TC2N: variants seen among roughly 807,000 people sequenced by gnomAD.
The protein encoded by TC2N is tandem C2 domains nuclear protein.
A neutral mutation model predicts 61.9 loss-of-function variants in TC2N; 51 were observed. The ratio of observed to expected loss-of-function variants is 0.82; its 90% CI spans 0.66 to 1.04. The LOEUF is 1.04. TC2N is among the 50% of genes least tolerant of loss of function. TC2N has a pLI of 0.00. For missense variants in TC2N, 556 were observed against 566.7 expected (o/e 0.98, Z 0.19); for synonymous variants, 204 against 192.6 (o/e 1.06, Z -0.49).
intron 10 of TC2N, among the ~76,000 whole-genome samples, chr14:91,785,885 T>C (rs1022341932): frequency 6.6e-6 from 1 of 152,044 alleles, no homozygotes; most frequent in African/African-American, 2.4e-5. Flanking sequence ...AAAAAAATTT[T>C]AAAACACTAA....
Position 91,799,038 on chromosome 14 carries a change from G to C in TC2N, c.588C>G (p.Pro196=). ...AATTTTTCCTTGAAGAAGAACTACT[G>C]GGTACACTGGACAATGAATCATGTC... ...IQRHDSLSSV[P]SSSSSRKNSQ... Residue 196 remains proline, a synonymous_variant, in exon 6 of 12, where the codon CCC becomes CCG. Transcript: ENST00000435962. 2 of 1,587,790 alleles carry C rather than the reference G, an allele frequency of 1.3e-6. No homozygotes were observed. The highest frequency in any genetic ancestry group is 1.7e-6 in the Non-Finnish European group (2 of 1,170,866).
At chr14:91,813,370 G>A (rs1595247552) in intron 2 of TC2N, among the ~76,000 whole-genome samples, 1 of 151,662 alleles carries the variant, frequency 6.6e-6, no homozygotes, top group South Asian at 2.1e-4. Flanking sequence ...TTCCCTCCCT[G>A]TCTTTGCCTG....
chr14:91,828,966 T>C (rs914761780), intron 1 of TC2N, among the ~76,000 whole-genome samples: 2 of 152,042 alleles, frequency 1.3e-5, no homozygotes, highest in African/African-American at 4.8e-5. Flanking sequence ...AGCTATTTTC[T>C]TTAAGACAAA....
intron 1 of TC2N, among the ~76,000 whole-genome samples, chr14:91,852,683 A>G (rs1888398717): frequency 6.6e-6 from 1 of 152,178 alleles, no homozygotes; most frequent in South Asian, 2.1e-4. Flanking sequence ...CATGTCAAGA[A>G]ATTTGCATGA....
At chr14:91,861,085 G>A (rs1288781351) in intron 1 of TC2N, among the ~76,000 whole-genome samples, 1 of 152,072 alleles carries the variant, frequency 6.6e-6, no homozygotes, top group Non-Finnish European at 1.5e-5. Flanking sequence ...AGGAGTGCTG[G>A]AAAGATGTTT....
chr14:91,813,520 T>G (rs189684913), intron 2 of TC2N, among the ~76,000 whole-genome samples, 183 bp downstream of exon 2: 22 of 151,762 alleles, frequency 1.4e-4, no homozygotes, highest in African/African-American at 5.3e-4. Context: ...ATCCCCTGGG[T>G]TGAATTACTC....
At chr14:91,834,742 T>C (rs558350311) in intron 1 of TC2N, among the ~76,000 whole-genome samples, 1 of 152,336 alleles carries the variant, frequency 6.6e-6, no homozygotes, top group South Asian at 2.1e-4. Context: ...TCTCCTCTCC[T>C]GGCTTCTATG....
rs143829621 is a variant in TC2N at position 91,802,296 on chromosome 14, G to A, written c.427C>T (p.Arg143Cys). ...YQHISPDLSRRFPPRSEVKRL... is the reference protein window; with the variant it reads ...YQHISPDLSRCFPPRSEVKRL... ...TTCACTTCTGAACGGGGAGGAAAGCGTCGACTCAAATCAGGTGAAATGTGC... is the reference window on the plus strand; with the variant it reads ...TTCACTTCTGAACGGGGAGGAAAGCATCGACTCAAATCAGGTGAAATGTGC... Residue 143 changes from arginine (R) to cysteine (C), a missense_variant, in exon 4 of 12, where the codon CGC (arginine) becomes TGC (cysteine). Arg to Cys is a radical substitution (Grantham distance 180, BLOSUM62 -3). Coordinates refer to ENST00000435962, the MANE Select transcript of TC2N (RefSeq NM_001128596.3). The A allele has an allele frequency of 7.5e-5, 120 of 1,602,210 alleles. No individual in the cohort carries two copies. Among genetic ancestry groups the A allele is most frequent in the Non-Finnish European group, 8.9e-5 (105 of 1,175,854 alleles).
chr14:91,823,844 A>C (rs1232973876), intron 1 of TC2N, among the ~76,000 whole-genome samples: 1 of 152,158 alleles, frequency 6.6e-6, no homozygotes, highest in Admixed American at 6.5e-5. Context: ...ATGACCTTAA[A>C]TCTGTTACTT....
At chr14:91,861,813 C>A (rs1306746321) in intron 1 of TC2N, among the ~76,000 whole-genome samples, 2 of 152,068 alleles carry the variant, frequency 1.3e-5, no homozygotes, top group East Asian at 3.9e-4. Context: ...GAAGCTGAGG[C>A]AGAAGGATCG....
At position 91,812,412 on chromosome 14, in the gene TC2N, T is replaced by C; in HGVS notation, c.201A>G (p.Pro67=). 3.7e-6 allele frequency: 6 copies of C among 1,612,798 alleles called. No individual in the cohort carries two copies. Among genetic ancestry groups the C allele is most frequent in the Non-Finnish European group, 5.1e-6 (6 of 1,179,150 alleles). Residue 67 remains proline, a synonymous_variant, in exon 3 of 12, where the codon CCA becomes CCG. Transcript: ENST00000435962. The stretch of plus-strand genomic sequence containing the variant: ...CAAATGGTACTTCTTTGCCATCAGA[T>C]GGTAATTTGGAAAGCAAATAATCCT... The part of the protein sequence containing the change: ...CTEDYLLSKL[P]SDGKEVPFVV...
At chr14:91,828,933 C>T (rs1887622404) in intron 1 of TC2N, among the ~76,000 whole-genome samples, 1 of 151,878 alleles carries the variant, frequency 6.6e-6, no homozygotes, top group South Asian at 2.1e-4. Flanking sequence ...GATATTTCCT[C>T]TGGTTATGAA....
chr14:91,813,189 A>G (rs913579806), intron 2 of TC2N, among the ~76,000 whole-genome samples: 1 of 151,828 alleles, frequency 6.6e-6, no homozygotes, highest in Non-Finnish European at 1.5e-5. Flanking sequence ...TGCAATAGAA[A>G]AAGAACTCTC....
intron 1 of TC2N, among the ~76,000 whole-genome samples, chr14:91,829,406 A>G (rs1175242058): frequency 6.6e-6 from 1 of 151,754 alleles, no homozygotes; most frequent in Non-Finnish European, 1.5e-5. Context: ...ATTCTGAATG[A>G]TTTATTCTAT....
intron 1 of TC2N, among the ~76,000 whole-genome samples, chr14:91,835,706 C>T (rs1011246806): frequency 6.6e-6 from 1 of 152,200 alleles, no homozygotes; most frequent in Non-Finnish European, 1.5e-5. Flanking sequence ...TTGCAAACAC[C>T]ACAGTAAAGG....
chr14:91,855,466 T>TC (rs1012513413), intron 1 of TC2N, among the ~76,000 whole-genome samples: 15 of 152,216 alleles, frequency 9.9e-5, no homozygotes, highest in Non-Finnish European at 1.3e-4. Context: ...GCCTCAAAAC[T>TC]CCAACTCTGC....
intron 4 of TC2N, among the ~76,000 whole-genome samples, chr14:91,800,993 C>T (rs1298685013): frequency 6.6e-6 from 1 of 151,218 alleles, no homozygotes; most frequent in Admixed American, 6.6e-5. Context: ...TATATATACA[C>T]ACACATATGT....
intron 8 of TC2N, among the ~76,000 whole-genome samples, chr14:91,795,918 A>T (rs1885874950): frequency 6.6e-6 from 1 of 152,136 alleles, no homozygotes; most frequent in Non-Finnish European, 1.5e-5. Context: ...ATTATATATT[A>T]CACACAAAAT....
intron 1 of TC2N, among the ~76,000 whole-genome samples, chr14:91,815,200 G>A (rs78655859): frequency 0.015 from 2,287 of 151,440 alleles, 52 homozygotes; most frequent in African/African-American, 0.05. Context: ...TCTTTCACCT[G>A]ATCTATCTAA....
Sources: allele counts gnomAD v4.1 joint callset (sites outside exome capture counted in the v4.1 genomes callset), GRCh38; gene constraint gnomAD v4.1.1; transcripts MANE v1.5; gene names NCBI Gene and HGNC (gene_info 2026-07-23, HGNC 2026-07-21).